FNDC3A: variants seen among roughly 807,000 people sequenced by gnomAD.
FNDC3A encodes the protein fibronectin type-III domain-containing protein 3A.
In FNDC3A, 32 loss-of-function variants were observed where a neutral mutation model predicts 148.9. That is an observed-to-expected ratio of 0.21 (90% CI 0.16 to 0.29). FNDC3A has a LOEUF of 0.29. Ranked by LOEUF, FNDC3A falls within the 10% of genes least tolerant of loss-of-function variation. FNDC3A has a pLI of 1.00. For synonymous variants in FNDC3A, 472 were observed against 473.6 expected (o/e 1.00, Z 0.04); for missense variants, 1,191 against 1,452.8 (o/e 0.82, Z 2.93).
intron 2 of FNDC3A, among the ~76,000 whole-genome samples, chr13:49,050,668 G>A (rs552731601): frequency 8.5e-5 from 13 of 152,134 alleles, no homozygotes; most frequent in Non-Finnish European, 1.8e-4. Flanking sequence ...ATTTGTTGTA[G>A]GGTATAATTT....
intron 2 of FNDC3A, among the ~76,000 whole-genome samples, chr13:49,013,818 A>T (rs12020077): frequency 1.4e-5 from 2 of 145,648 alleles, no homozygotes; most frequent in African/African-American, 5.1e-5. Flanking sequence ...TCTTTGTTCA[A>T]TTCCCACCTA....
At chr13:49,086,206 T>C (rs1447105199) in intron 3 of FNDC3A, among the ~76,000 whole-genome samples, 2 of 152,246 alleles carry the variant, frequency 1.3e-5, no homozygotes, top group Non-Finnish European at 2.9e-5. Flanking sequence ...TTGTAGGTGG[T>C]AATGCATCTG....
intron 8 of FNDC3A, among the ~76,000 whole-genome samples, chr13:49,163,459 C>G (rs1216575927): frequency 1.3e-5 from 2 of 152,210 alleles, no homozygotes; most frequent in East Asian, 3.9e-4. Context: ...ATATAATCTC[C>G]TGGTGTGCCG....
chr13:49,049,705 T>C (rs928313059), intron 2 of FNDC3A, among the ~76,000 whole-genome samples: 1 of 29,690 alleles, frequency 3.4e-5, no homozygotes, highest in Non-Finnish European at 1.4e-4. Flanking sequence ...TCTCTTCTCT[T>C]CTTTTCTTTT....
chr13:49,172,149 C>T (rs1884787160), intron 11 of FNDC3A, 53 bp downstream of exon 11: 4 of 1,135,040 alleles, frequency 3.5e-6, no homozygotes, highest in Admixed American at 2.2e-5. Flanking sequence ...TATGTTCAGG[C>T]AAAATTAACT....
At chr13:49,024,808 T>C (rs1011420345) in intron 2 of FNDC3A, among the ~76,000 whole-genome samples, 5 of 152,066 alleles carry the variant, frequency 3.3e-5, no homozygotes, top group African/African-American at 4.8e-5. Flanking sequence ...GAAAGCTTTT[T>C]CTCTAGGAAC....
intron 2 of FNDC3A, among the ~76,000 whole-genome samples, chr13:49,025,856 G>C (rs1202034015): frequency 5.3e-5 from 8 of 152,184 alleles, no homozygotes; most frequent in Non-Finnish European, 1.5e-5. Flanking sequence ...AATTTGGAGA[G>C]TGATAATAGC....
intron 3 of FNDC3A, among the ~76,000 whole-genome samples, chr13:49,093,846 C>T (rs1052529278): frequency 2.0e-5 from 3 of 152,106 alleles, no homozygotes; most frequent in African/African-American, 7.2e-5. Context: ...TCAAAAAGTG[C>T]CATTTAGCTT....
intron 3 of FNDC3A, among the ~76,000 whole-genome samples, chr13:49,093,617 T>G (rs1328429559): frequency 6.6e-6 from 1 of 152,186 alleles, no homozygotes; most frequent in Non-Finnish European, 1.5e-5. Flanking sequence ...GCAGTCTGGC[T>G]GCAGAGTGCA....
At chr13:49,203,351 G>A (rs937624142) in intron 25 of FNDC3A, 67 bp downstream of exon 25, 2 of 1,231,216 alleles carry the variant, frequency 1.6e-6, no homozygotes, top group Non-Finnish European at 2.3e-6. Context: ...TGTATTTTCA[G>A]TGTAAGATTT....
At chr13:49,134,462 T>G (rs1477449807) in intron 5 of FNDC3A, among the ~76,000 whole-genome samples, 1 of 152,240 alleles carries the variant, frequency 6.6e-6, no homozygotes, top group Non-Finnish European at 1.5e-5. Flanking sequence ...TGGGTTGTTT[T>G]CACTTTTTGT....
chr13:49,051,600 T>C (rs1875847474), intron 2 of FNDC3A, among the ~76,000 whole-genome samples: 2 of 152,242 alleles, frequency 1.3e-5, no homozygotes, highest in South Asian at 4.1e-4. Context: ...TCACAGCTCT[T>C]AAGATTCTTT....
intron 15 of FNDC3A, among the ~76,000 whole-genome samples, 199 bp downstream of exon 15, chr13:49,186,301 A>G (rs1418662105): frequency 6.6e-6 from 1 of 152,166 alleles, no homozygotes; most frequent in African/African-American, 2.4e-5. Context: ...ATATGATAAA[A>G]AGGAACTTGC....
chr13:49,066,671 ATTC>A (rs1205494591), intron 2 of FNDC3A, among the ~76,000 whole-genome samples: 1 of 151,932 alleles, frequency 6.6e-6, no homozygotes, highest in Non-Finnish European at 1.5e-5. Context: ...CAAAGCTTAT[ATTC>A]TTTTTTTTTT....
intron 2 of FNDC3A, among the ~76,000 whole-genome samples, chr13:49,022,784 T>C (rs375352454): frequency 7.9e-5 from 12 of 152,212 alleles, no homozygotes; most frequent in East Asian, 3.9e-4. Context: ...TACTCTCCTT[T>C]TTCAATTAGT....
chr13:48,990,776 A>G lies in FNDC3A; in HGVS notation c.-40+14599A>G, dbSNP rs954060796. Among the ~76,000 whole-genome samples the G allele has an allele frequency of 6.6e-5, 10 of 152,190 alleles. No homozygotes were observed. In the East Asian group the frequency reaches 1.2e-3, roughly 18 times the overall value. ...CTGCCCTCCCCTAAAAAATGACAAC[A>G]TGAGGTTTAAAACATGTAAAAGTAA... is the stretch of plus-strand genomic sequence containing the variant. On this transcript the variant is annotated intron_variant, in intron 1 of 25. Transcript: ENST00000492622.
intron 2 of FNDC3A, among the ~76,000 whole-genome samples, chr13:49,053,527 C>T (rs953002203): frequency 1.3e-5 from 2 of 152,080 alleles, no homozygotes; most frequent in African/African-American, 4.8e-5. Flanking sequence ...TCAGTCAGTA[C>T]ATGTGAGGCA....
intron 1 of FNDC3A, among the ~76,000 whole-genome samples, chr13:48,984,788 G>A (rs919980865): frequency 3.3e-5 from 5 of 152,014 alleles, no homozygotes; most frequent in East Asian, 3.9e-4. Context: ...AGGTTCAAGC[G>A]ATTCTCCTGC....
At chr13:49,049,155 C>T (rs1875637994) in intron 2 of FNDC3A, among the ~76,000 whole-genome samples, 1 of 152,144 alleles carries the variant, frequency 6.6e-6, no homozygotes, top group East Asian at 1.9e-4. Context: ...CCTGGTATGA[C>T]ACCCACTTCA....
Sources: allele counts gnomAD v4.1 joint callset (sites outside exome capture counted in the v4.1 genomes callset), GRCh38; gene constraint gnomAD v4.1.1; transcripts MANE v1.5; gene names NCBI Gene and HGNC (gene_info 2026-07-23, HGNC 2026-07-21).